Variants in TXLNB observed in about 807,000 individuals in gnomAD.
The protein encoded by TXLNB is beta-taxilin.
Under a neutral mutation model 57.4 loss-of-function variants are expected in TXLNB, and 37 were observed. That is an observed-to-expected ratio of 0.64 (90% CI 0.50 to 0.85). The LOEUF (loss-of-function observed/expected upper bound fraction) is 0.85. Among genes scored for constraint, TXLNB ranks in the 40% least tolerant of loss-of-function variants. The pLI is 0.00. For missense variants in TXLNB, 848 were observed against 825.6 expected, an observed-to-expected ratio of 1.03 and a Z score of -0.33; for synonymous variants, 302 against 309.6, an observed-to-expected ratio of 0.98 and a Z score of 0.26.
At chr6:139,220,995 G>A in the TXLNB span, among the ~76,000 whole-genome samples, 1 of 152,188 alleles carries the variant, frequency 6.6e-6, no homozygotes, top group Non-Finnish European at 1.5e-5. Flanking sequence ...GGGTAACCCT[G>A]CATCCAAGAA....
At chr6:139,252,735 G>T (rs1582996841) in intron 7 of TXLNB, among the ~76,000 whole-genome samples, 1 of 152,116 alleles carries the variant, frequency 6.6e-6, no homozygotes, top group African/African-American at 2.4e-5. Flanking sequence ...CTCACGCCTG[G>T]AATCCCAGCA....
the TXLNB span, among the ~76,000 whole-genome samples, chr6:139,302,610 A>G: frequency 1.0e-4 from 4 of 40,126 alleles, no homozygotes; most frequent in African/African-American, 7.2e-4. Context: ...CTAAAAATAC[A>G]AAAAAAAAAA....
chr6:139,201,106 A>G, the TXLNB span, among the ~76,000 whole-genome samples: 11 of 152,200 alleles, frequency 7.2e-5, no homozygotes, highest in Non-Finnish European at 1.5e-4. Context: ...TTTACTTTAC[A>G]TTGAAATAAA....
At chr6:139,213,724 C>A in the TXLNB span, among the ~76,000 whole-genome samples, 6 of 152,154 alleles carry the variant, frequency 3.9e-5, no homozygotes, top group Admixed American at 3.9e-4. Context: ...AATTGATAGA[C>A]CACTAGCAAG....
At chr6:139,239,524 A>T (rs760413323), downstream of TXLNB, 4 of 152,402 alleles carry the variant, frequency 2.6e-5, no homozygotes, top group Non-Finnish European at 5.8e-5. The surrounding 1 kb of genome is among the most constrained non-coding windows in gnomAD (Gnocchi z 4.7). Context: ...ACAGGGTCTC[A>T]CTCTGTCACC....
the TXLNB span, among the ~76,000 whole-genome samples, chr6:139,218,784 T>C: frequency 2.6e-5 from 4 of 152,094 alleles, no homozygotes; most frequent in South Asian, 2.1e-4. Context: ...TATTTGTTAA[T>C]TGATGATTTA....
At chr6:139,280,201 G>A (rs1051717289) in intron 2 of TXLNB, among the ~76,000 whole-genome samples, 8 of 144,286 alleles carry the variant, frequency 5.5e-5, no homozygotes, top group African/African-American at 1.8e-4. Flanking sequence ...GCAGTGAGCC[G>A]AGACTGTACC....
the TXLNB span, among the ~76,000 whole-genome samples, chr6:139,303,328 C>T: frequency 1.8e-4 from 27 of 152,156 alleles, no homozygotes; most frequent in Admixed American, 3.9e-4. Context: ...ACTGGTCTGG[C>T]GCTGGATGGA....
chr6:139,214,709 C>T, the TXLNB span, among the ~76,000 whole-genome samples: 8 of 152,102 alleles, frequency 5.3e-5, no homozygotes, highest in African/African-American at 7.2e-5. Flanking sequence ...GCAGATGACA[C>T]GATTGTATAT....
chr6:139,202,261 A>C, the TXLNB span, among the ~76,000 whole-genome samples: 1 of 152,212 alleles, frequency 6.6e-6, no homozygotes, highest in African/African-American at 2.4e-5. Context: ...TAGCTGAAAA[A>C]GCCCTGGACT....
In TXLNB at chr6:139,243,163, T is replaced by C. The variant is rs1775992600; in HGVS notation, c.1418A>G (p.Asn473Ser). The C allele has an allele frequency of 6.2e-7, 1 of 1,614,204 alleles. No homozygotes were observed. Among genetic ancestry groups the C allele is most frequent in the Non-Finnish European group, 8.5e-7 (1 of 1,180,032 alleles). ...GTTTGACTCTGGCTCTTCATCGGAG[T>C]TGTGCTGACTTTGGTCATCCTTTTC... ...ISEKDDQSQH[N>S]SDEEPESNVS... The change falls in exon 10 of 10, where the codon AAC (asparagine) becomes AGC (serine). Residue 473 changes from asparagine (N) to serine (S), a missense_variant. Transcript: ENST00000358430.
chr6:139,228,583 A>C, the TXLNB span, among the ~76,000 whole-genome samples: 2,658 of 150,858 alleles, frequency 0.018, 70 homozygotes, highest in African/African-American at 0.061. Flanking sequence ...AACATGTTCC[A>C]GGGGCTGAAA....
chr6:139,213,546 C>T, the TXLNB span, among the ~76,000 whole-genome samples: 1 of 151,832 alleles, frequency 6.6e-6, no homozygotes, highest in South Asian at 2.1e-4. Context: ...AAATTGACAC[C>T]CTAACATCAC....
chr6:139,263,702 G>C (rs983226746), intron 4 of TXLNB, among the ~76,000 whole-genome samples: 9 of 150,386 alleles, frequency 6.0e-5, no homozygotes, highest in Admixed American at 4.0e-4. Context: ...TGAATAAAAG[G>C]GTTTAATTTT....
At chr6:139,215,384 C>T in the TXLNB span, among the ~76,000 whole-genome samples, 1 of 152,144 alleles carries the variant, frequency 6.6e-6, no homozygotes, top group Non-Finnish European at 1.5e-5. Context: ...GAAAGGATTC[C>T]CTATTTAATA....
chr6:139,170,300 G>A, the TXLNB span: 1 of 152,048 alleles, frequency 6.6e-6, no homozygotes, highest in Non-Finnish European at 1.5e-5. Context: ...ACACATGCTG[G>A]GTACTATCAG....
the TXLNB span, chr6:139,203,513 T>C: frequency 6.6e-6 from 1 of 152,280 alleles, no homozygotes; most frequent in Non-Finnish European, 1.5e-5. Flanking sequence ...TCCCTTTTTC[T>C]TGAAACACTT....
Position 139,242,608 on chromosome 6 carries a change from G to C in TXLNB, c.1973C>G (p.Ala658Gly), listed in dbSNP as rs1425172753. The C allele has an allele frequency of 1.3e-6, 2 of 1,585,608 alleles. No homozygotes were observed. Among genetic ancestry groups the C allele is most frequent in the African/African-American group, 1.4e-5 (1 of 73,520 alleles). ...CEPSRQPPRA[A>G]AEELPVGASA... ...GGCCCCTACTGGCAGCTCCTCTGCT[G>C]CTGCTCGTGGGGGCTGCCTACTGGG... Residue 658 changes from alanine to glycine, a missense_variant, in exon 10 of 10, where the codon GCA becomes GGA. Physicochemically the swap from Ala to Gly is moderately conservative, Grantham distance 60. Coordinates refer to ENST00000358430, the MANE Select transcript of TXLNB (RefSeq NM_153235.4).
intron 4 of TXLNB, among the ~76,000 whole-genome samples, chr6:139,264,741 G>T (rs1387313532): frequency 6.6e-6 from 1 of 151,976 alleles, no homozygotes; most frequent in Non-Finnish European, 1.5e-5. Flanking sequence ...TTTATTTTTA[G>T]TAGAGACGGG....
Sources: gnomAD v4.1 joint callset for allele counts (sites outside exome capture counted in the v4.1 genomes callset) on GRCh38, gnomAD v4.1.1 for gene constraint, Gnocchi (gnomAD v3.1) non-coding constraint, MANE v1.5 for transcripts, NCBI Gene and HGNC (gene_info 2026-07-23, HGNC 2026-07-21) for gene names.